The following XPNPEP3 variants were observed in gnomAD, a reference collection of about 807,000 sequenced individuals.
XPNPEP3 encodes the protein X-prolyl aminopeptidase 3.
Under a neutral mutation model 60.0 loss-of-function variants are expected in XPNPEP3, and 41 were observed. The observed-to-expected ratio is 0.68, with a 90% CI of 0.53 to 0.89. XPNPEP3 has a LOEUF of 0.89. Ranked by LOEUF, XPNPEP3 falls within the 40% of genes least tolerant of loss-of-function variation. The pLI, the probability that XPNPEP3 is intolerant of heterozygous loss-of-function variation, is 0.00. For synonymous variants in XPNPEP3, 212 were observed against 223.2 expected (o/e 0.95, Z 0.45); for missense variants, 598 against 638.9 (o/e 0.94, Z 0.69).
At chr22:40,913,437 CAAAAAAAA>C (rs900190983) in intron 6 of XPNPEP3, among the ~76,000 whole-genome samples, 3 of 79,700 alleles carry the variant, frequency 3.8e-5, no homozygotes, top group Non-Finnish European at 7.7e-5. Context: ...GACTCTGTCT[CAAAAAAAA>C]AAAAAAAAAG....
At chr22:40,886,781 C>T (rs1355317262) in intron 4 of XPNPEP3, among the ~76,000 whole-genome samples, 2 of 145,162 alleles carry the variant, frequency 1.4e-5, no homozygotes, top group African/African-American at 2.6e-5. Flanking sequence ...GAGCCGAGAT[C>T]GGGCCACTGC....
intron 4 of XPNPEP3, among the ~76,000 whole-genome samples, chr22:40,900,137 G>C (rs1297399804): frequency 6.6e-6 from 1 of 151,696 alleles, no homozygotes; most frequent in Non-Finnish European, 1.5e-5. Flanking sequence ...AAAACTATTA[G>C]GAAAAAACAT....
In XPNPEP3 at chr22:40,926,689, G is replaced by A. The variant is rs1892030667; in HGVS notation, c.*254G>A. On this transcript the variant is annotated 3_prime_UTR_variant, in exon 10 of 10. Transcript: ENST00000357137. ...ATTAATTCTATAGAATTAATGATCA[G>A]AGCAAGTTTAATTTTTAAACATAAA... 1 of 518,382 alleles carries A rather than the reference G, an allele frequency of 1.9e-6. No individual in the cohort carries two copies. Among genetic ancestry groups the A allele is most frequent in the African/African-American group, 1.9e-5 (1 of 52,026 alleles). The allele number at this position is 518,382 out of a possible 1,614,324, so 32.1% of individuals were successfully genotyped here.
chr22:40,857,426 C>G (rs534279971), intron 1 of XPNPEP3, among the ~76,000 whole-genome samples, 181 bp downstream of exon 1: 1 of 152,358 alleles, frequency 6.6e-6, no homozygotes, highest in Non-Finnish European at 1.5e-5. Flanking sequence ...CCAGTGTGTT[C>G]TCTACCGTTG....
rs755399912 is a variant in XPNPEP3 at position 40,926,462 on chromosome 22, A to G, written c.*27A>G. ...CTTCACTGCGGCCCACATGCACCTC[A>G]GGTTCAAAATGGGTGTCTTCTGGCA... On this transcript the variant is annotated 3_prime_UTR_variant, in exon 10 of 10. Transcript: ENST00000357137. 1 of 1,613,506 alleles carries G rather than the reference A, an allele frequency of 6.2e-7. No individual in the cohort carries two copies. The highest frequency in any genetic ancestry group is 8.5e-7 in the Non-Finnish European group (1 of 1,179,710).
intron 2 of XPNPEP3, among the ~76,000 whole-genome samples, chr22:40,876,693 A>G (rs774432029): frequency 7.9e-5 from 12 of 152,200 alleles, no homozygotes; most frequent in Non-Finnish European, 1.3e-4. Flanking sequence ...CAGGATTCCA[A>G]CTCACAAAAA....
At chr22:40,894,194 T>C (rs1479232870) in intron 4 of XPNPEP3, among the ~76,000 whole-genome samples, 1 of 152,140 alleles carries the variant, frequency 6.6e-6, no homozygotes, top group Non-Finnish European at 1.5e-5. Context: ...AAGACTCCGT[T>C]TCTTAAGAAA....
intron 7 of XPNPEP3, among the ~76,000 whole-genome samples, chr22:40,916,216 G>A (rs531896906): frequency 1.4e-4 from 21 of 151,812 alleles, no homozygotes; most frequent in Non-Finnish European, 2.1e-4. Flanking sequence ...CGCTTGAACC[G>A]GGAAAGGGGA....
chr22:40,860,553 G>A (rs775539243), intron 1 of XPNPEP3: 27 of 925,076 alleles, frequency 2.9e-5, no homozygotes, highest in Middle Eastern at 3.6e-4. Flanking sequence ...TGCATGTTTC[G>A]TAAGTTTGTA....
At chr22:40,872,921 T>G (rs138352) in intron 2 of XPNPEP3, among the ~76,000 whole-genome samples, 110,651 of 151,796 alleles carry the variant, frequency 0.73, 41,504 homozygotes, top group African/African-American at 0.91. Context: ...TCAGTGGAAT[T>G]CCTAATGAAG....
intron 3 of XPNPEP3, among the ~76,000 whole-genome samples, chr22:40,885,033 A>T: frequency 6.6e-6 from 1 of 152,096 alleles, no homozygotes; most frequent in Non-Finnish European, 1.5e-5. Context: ...GTCTCAAAAA[A>T]AAAAAAAATT....
At chr22:40,884,767 T>G (rs2058061965) in intron 3 of XPNPEP3, among the ~76,000 whole-genome samples, 1 of 151,760 alleles carries the variant, frequency 6.6e-6, no homozygotes, top group African/African-American at 2.4e-5. Flanking sequence ...GGCTCACGCC[T>G]GTAATCCCAG....
intron 5 of XPNPEP3, among the ~76,000 whole-genome samples, chr22:40,908,899 G>T (rs1304820789): frequency 6.6e-6 from 1 of 152,180 alleles, no homozygotes; most frequent in Admixed American, 6.5e-5. Flanking sequence ...AACAGGATTT[G>T]TGGGAATAAA....
At chr22:40,879,853 G>A (rs2058040684) in intron 2 of XPNPEP3, among the ~76,000 whole-genome samples, 2 of 149,294 alleles carry the variant, frequency 1.3e-5, no homozygotes, top group South Asian at 2.1e-4. Flanking sequence ...AAAAATAGTA[G>A]CAATAAATAA....
chr22:40,859,056 C>G (rs2057924993), intron 1 of XPNPEP3, among the ~76,000 whole-genome samples: 1 of 152,072 alleles, frequency 6.6e-6, no homozygotes, highest in Admixed American at 6.5e-5. Context: ...GCACCCAGCC[C>G]TTAATAGTCT....
intron 4 of XPNPEP3, among the ~76,000 whole-genome samples, chr22:40,906,306 A>G (rs916634642): frequency 1.3e-5 from 2 of 151,912 alleles, no homozygotes; most frequent in African/African-American, 4.8e-5. Flanking sequence ...CTGTAGTCCC[A>G]GCTACTTAGG....
intron 4 of XPNPEP3, among the ~76,000 whole-genome samples, chr22:40,905,747 T>C (rs1252592298): frequency 6.6e-6 from 1 of 152,174 alleles, no homozygotes. Flanking sequence ...TTTACTCTTT[T>C]GGGCATTTTG....
At chr22:40,907,132 GTAT>G (rs1569028563) in intron 4 of XPNPEP3, 1 of 456,276 alleles carries the variant, frequency 2.2e-6, no homozygotes, top group Non-Finnish European at 4.4e-6. Context: ...TCAGAAATCC[GTAT>G]TATTGGCCCG....
chr22:40,904,203 A>G (rs932025681), intron 4 of XPNPEP3, among the ~76,000 whole-genome samples: 2 of 152,158 alleles, frequency 1.3e-5, no homozygotes, highest in African/African-American at 4.8e-5. Flanking sequence ...TCAAGCATAT[A>G]GTAAGGATAG....
Sources: allele counts gnomAD v4.1 joint callset (sites outside exome capture counted in the v4.1 genomes callset), GRCh38; gene constraint gnomAD v4.1.1; transcripts MANE v1.5; gene names NCBI Gene and HGNC (gene_info 2026-07-23, HGNC 2026-07-21).